The following YTHDC1 variants were observed in gnomAD, a reference collection of about 807,000 sequenced individuals.
YTHDC1 encodes YTH domain-containing protein 1.
Under a neutral mutation model 107.0 loss-of-function variants are expected in YTHDC1, and 12 were observed. That is an observed-to-expected ratio of 0.11 (90% CI 0.07 to 0.18). The LOEUF (loss-of-function observed/expected upper bound fraction) is 0.18, where lower values mean the gene tolerates loss of function less well. Among genes scored for constraint, YTHDC1 ranks in the 10% least tolerant of loss-of-function variants. The pLI is 1.00. For synonymous variants in YTHDC1, 280 were observed against 289.5 expected (o/e 0.97, Z 0.33); for missense variants, 635 against 898.8 (o/e 0.71, Z 3.75).
intron 15 of YTHDC1, among the ~76,000 whole-genome samples, chr4:68,317,058 T>C (rs546663758): frequency 2.6e-5 from 4 of 152,202 alleles, no homozygotes; most frequent in African/African-American, 7.2e-5. Context: ...GAGTGAGACC[T>C]TGTCTCTATA....
chr4:68,329,256 C>A (rs981604280), intron 9 of YTHDC1, among the ~76,000 whole-genome samples: 12 of 152,160 alleles, frequency 7.9e-5, no homozygotes, highest in African/African-American at 2.7e-4. Flanking sequence ...CACAACCCTG[C>A]AACCCCATAG....
At chr4:68,316,220 G>A in intron 16 of YTHDC1, 94 bp downstream of exon 16, 5 of 1,355,042 alleles carry the variant, frequency 3.7e-6, no homozygotes, top group Non-Finnish European at 5.0e-6. Flanking sequence ...ATATGCAATG[G>A]TCCGTCAATC....
chr4:68,341,982 C>T (rs1462280953), intron 1 of YTHDC1, among the ~76,000 whole-genome samples: 1 of 152,178 alleles, frequency 6.6e-6, no homozygotes, highest in African/African-American at 2.4e-5. Flanking sequence ...TAAAACCTGC[C>T]TGCCCCAACC....
intron 9 of YTHDC1, 91 bp downstream of exon 9, chr4:68,329,911 A>G: frequency 1.1e-6 from 1 of 917,190 alleles, no homozygotes; most frequent in Non-Finnish European, 1.7e-6. Flanking sequence ...AGGTAAGATA[A>G]GTATACAGTG....
chr4:68,334,225 G>A (rs1723908368), intron 4 of YTHDC1, among the ~76,000 whole-genome samples: 4 of 152,092 alleles, frequency 2.6e-5, no homozygotes, highest in African/African-American at 7.2e-5. Flanking sequence ...TTTCAGCTTA[G>A]AGATAAGGGA....
chr4:68,322,768 G>C lies in YTHDC1; in HGVS notation c.1582C>G (p.Pro528Ala), dbSNP rs774366671. 6.2e-7 allele frequency: 1 copy of C among 1,614,048 alleles called. No individual in the cohort carries two copies. Among genetic ancestry groups the C allele is most frequent in the Non-Finnish European group, 8.5e-7 (1 of 1,179,956 alleles). Residue 528 changes from proline to alanine, a missense_variant, in exon 11 of 17, where the codon CCA becomes GCA. Pro to Ala is a conservative substitution (Grantham distance 27, BLOSUM62 -1). This residue lies in a region of YTHDC1 where 256 missense variants were observed against 372.9 expected (regional missense o/e 0.69). Coordinates refer to ENST00000344157, the MANE Select transcript of YTHDC1 (RefSeq NM_001031732.4). The surrounding 1 kb of genome is among the most constrained non-coding windows in gnomAD (Gnocchi z 4.8). ...RSRGRPSRRE[P>A]VRDVGRRRPE... ...TCTAACCTTCCCACATCCCGGACTG[G>C]TTCTCGACGGGATGGACGTCCTCGT...
In YTHDC1 at chr4:68,337,172, T is replaced by TTCCTCC. The variant is rs764323977; in HGVS notation, c.732_737dup (p.Glu248_Glu249dup). 1.2e-6 allele frequency: 2 copies of TTCCTCC among 1,605,778 alleles called. No homozygotes were observed. The highest frequency in any genetic ancestry group is 1.7e-6 in the Non-Finnish European group (2 of 1,173,488). ...TCTCATCCTGTTCATATTCTTCTTC[T>TTCCTCC]TCCTCCTCCTCCTCCTCCTCTTCCT... On this transcript the variant is annotated inframe_insertion, in exon 4 of 17. Coordinates refer to ENST00000344157, the MANE Select transcript of YTHDC1 (RefSeq NM_001031732.4).
At chr4:68,337,492 A>G (rs760196973) in intron 3 of YTHDC1, 42 bp from the exon 4 acceptor site, 2 of 1,605,630 alleles carry the variant, frequency 1.2e-6, no homozygotes, top group South Asian at 2.2e-5. Flanking sequence ...CATATAAAAG[A>G]CAAGGTCAGG....
At chr4:68,337,543 T>C (rs756241701) in intron 3 of YTHDC1, 29 bp downstream of exon 3, 1 of 1,584,808 alleles carries the variant, frequency 6.3e-7, no homozygotes, top group Non-Finnish European at 8.5e-7. Flanking sequence ...AATGGCTTTC[T>C]GTTTTATATC....
chr4:68,328,674 A>G (rs992791324), intron 9 of YTHDC1, among the ~76,000 whole-genome samples: 5 of 152,210 alleles, frequency 3.3e-5, no homozygotes, highest in Non-Finnish European at 7.3e-5. Flanking sequence ...TGGGATGAGT[A>G]TTTTTTCTGC....
chr4:68,346,062 CAT>C (rs575586313), intron 1 of YTHDC1, among the ~76,000 whole-genome samples: 65 of 123,648 alleles, frequency 5.3e-4, no homozygotes, highest in African/African-American at 1.7e-3. Flanking sequence ...TGTGTGTGCA[CAT>C]GACTGTGTGT....
At position 68,311,045 on chromosome 4, in the gene YTHDC1, C is replaced by T. The variant is rs1350961425; in HGVS notation, c.*3054G>A. Reference sequence around the variant, plus strand: ...TCCATGTCTTTTGGAGACTGTCCTTCCTGATGTAATCCTCACAGAGGTGAC... The same window carrying T: ...TCCATGTCTTTTGGAGACTGTCCTTTCTGATGTAATCCTCACAGAGGTGAC... On this transcript the variant is annotated 3_prime_UTR_variant, in exon 17 of 17. Coordinates refer to ENST00000344157, the MANE Select transcript of YTHDC1 (RefSeq NM_001031732.4). 6.6e-6 allele frequency: 1 copy of T among 152,190 alleles called. No homozygotes were observed. 9.4% of individuals were successfully genotyped at this position (152,190 alleles called of 1,614,324 possible). A position where few individuals can be genotyped will look rare whatever the true frequency, so the allele number is the denominator to read the frequency against.
At chr4:68,332,452 T>C (rs966945682) in intron 6 of YTHDC1, among the ~76,000 whole-genome samples, 9 of 152,038 alleles carry the variant, frequency 5.9e-5, no homozygotes, top group African/African-American at 1.7e-4. Flanking sequence ...ATGAAAATGG[T>C]TACCAAGTTT....
At chr4:68,334,360 C>T (rs894564812) in intron 4 of YTHDC1, among the ~76,000 whole-genome samples, 1 of 152,084 alleles carries the variant, frequency 6.6e-6, no homozygotes, top group African/African-American at 2.4e-5. Flanking sequence ...GCTTTAACTA[C>T]TTATCTCCTT....
chr4:68,349,631 A>ACGCCCCC (rs1725860074), intron 1 of YTHDC1, 95 bp downstream of exon 1: 1 of 257,070 alleles, frequency 3.9e-6, no homozygotes, highest in African/African-American at 3.4e-5. Context: ...AACCTCCCCA[A>ACGCCCCC]CCCCCACCCC....
In YTHDC1 at chr4:68,320,135, G is replaced by A; in HGVS notation, c.1672C>T (p.His558Tyr). 6.2e-7 allele frequency: 1 copy of A among 1,603,140 alleles called. No homozygotes were observed. Among genetic ancestry groups the A allele is most frequent in the Non-Finnish European group, 8.5e-7 (1 of 1,175,940 alleles). The part of the protein sequence containing the change: ...KPRIDYPPEF[H>Y]QRPGYLKDPR... ...ATAAAATATTAACCTGGTCTCTGGT[G>A]AAACTCAGGGGGATAGTCAATCCTT... is the stretch of plus-strand genomic sequence containing the variant. The change falls in exon 12 of 17, where the codon CAC (histidine) becomes TAC (tyrosine). Residue 558 changes from histidine to tyrosine, a missense_variant. Physicochemically the swap from His to Tyr is moderately conservative, Grantham distance 83 (BLOSUM62 2). Transcript: ENST00000344157.
intron 1 of YTHDC1, among the ~76,000 whole-genome samples, chr4:68,342,864 T>A (rs1381283673): frequency 6.6e-6 from 1 of 150,988 alleles, no homozygotes; most frequent in Non-Finnish European, 1.5e-5. Context: ...CTCTTTTAGA[T>A]ATAAAGTAAT....
At chr4:68,349,648 C>CCCCCCA in intron 1 of YTHDC1, 78 bp downstream of exon 1, 1 of 458,744 alleles carries the variant, frequency 2.2e-6, no homozygotes, top group South Asian at 1.6e-5. Context: ...CCCCCCACCC[C>CCCCCCA]CAACGACGAC....
chr4:68,315,651 A>G (rs1721777077), intron 16 of YTHDC1, among the ~76,000 whole-genome samples: 1 of 152,202 alleles, frequency 6.6e-6, no homozygotes, highest in Admixed American at 6.5e-5. Context: ...TAATAAACTC[A>G]GCCCCACTAG....
Sources: gnomAD v4.1 joint callset for allele counts (sites outside exome capture counted in the v4.1 genomes callset) on GRCh38, gnomAD v4.1.1 for gene constraint, gnomAD v4.1.1 regional missense constraint, Gnocchi (gnomAD v3.1) non-coding constraint, MANE v1.5 for transcripts, NCBI Gene and HGNC (gene_info 2026-07-23, HGNC 2026-07-21) for gene names.